Variants in ROBO1 observed in about 807,000 individuals in gnomAD.
The protein encoded by ROBO1 is roundabout guidance receptor 1.
A neutral mutation model predicts 195.9 loss-of-function variants in ROBO1; 149 were observed. The ratio of observed to expected loss-of-function variants is 0.76; its 90% CI spans 0.67 to 0.87. The LOEUF (loss-of-function observed/expected upper bound fraction) is 0.87. Ranked by LOEUF, ROBO1 falls within the 40% of genes least tolerant of loss-of-function variation. The probability of loss-of-function intolerance (pLI) is 0.00; values close to 1 mark genes in which losing one functional copy is unlikely to be tolerated. For missense variants in ROBO1, 1,933 were observed against 2,068.3 expected (o/e 0.93, Z 1.27); for synonymous variants, 816 against 733.2 (o/e 1.11, Z -1.82).
intron 8 of ROBO1, among the ~76,000 whole-genome samples, chr3:78,691,717 C>G (rs959770022): frequency 3.3e-5 from 5 of 152,152 alleles, no homozygotes; most frequent in Non-Finnish European, 7.4e-5. Context: ...TAACAGCATA[C>G]AAATGGCTTT....
chr3:79,116,325 TCTTTTCTTTTC>T (rs2079995820), intron 3 of ROBO1, among the ~76,000 whole-genome samples: 2 of 151,682 alleles, frequency 1.3e-5, no homozygotes, highest in South Asian at 2.1e-4. Flanking sequence ...CTTTTCTTTT[TCTTTTCTTTTC>T]CTTTCTTTCT....
intron 5 of ROBO1, among the ~76,000 whole-genome samples, chr3:78,737,818 T>C (rs2082427189): frequency 6.6e-6 from 1 of 152,170 alleles, no homozygotes; most frequent in South Asian, 2.1e-4. Context: ...TTTTGGAAAA[T>C]AAATAGAATA....
intron 3 of ROBO1, among the ~76,000 whole-genome samples, chr3:78,966,077 C>T (rs1379674244): frequency 2.0e-5 from 3 of 152,270 alleles, no homozygotes; most frequent in Middle Eastern, 3.4e-3. Context: ...TAGATGCTCA[C>T]GGCACAAACC....
intron 3 of ROBO1, 22 bp from the exon 4 acceptor site, chr3:78,938,949 A>G (rs1358189847): frequency 5.8e-6 from 9 of 1,564,238 alleles, no homozygotes; most frequent in Non-Finnish European, 7.0e-6. Flanking sequence ...TTCACAAAAT[A>G]TCTTCGTATA....
chr3:79,074,604 T>TATTATA (rs1362426282), intron 3 of ROBO1, among the ~76,000 whole-genome samples: 5 of 151,258 alleles, frequency 3.3e-5, no homozygotes, highest in Non-Finnish European at 7.4e-5. Flanking sequence ...TTATTATTAT[T>TATTATA]ATATTGAAGA....
intron 2 of ROBO1, among the ~76,000 whole-genome samples, chr3:79,209,860 T>A (rs1378359986): frequency 6.6e-6 from 1 of 152,106 alleles, no homozygotes; most frequent in African/African-American, 2.4e-5. Flanking sequence ...ACAAAATCAA[T>A]GCACACAAAT....
At chr3:79,718,870 T>C (rs1387319046) in intron 1 of ROBO1, among the ~76,000 whole-genome samples, 1 of 152,054 alleles carries the variant, frequency 6.6e-6, no homozygotes, top group Non-Finnish European at 1.5e-5. Context: ...AACATTTCTA[T>C]AAAATTAATT....
chr3:79,748,157 T>C (rs1264126296), intron 1 of ROBO1, among the ~76,000 whole-genome samples: 1 of 152,134 alleles, frequency 6.6e-6, no homozygotes, highest in Non-Finnish European at 1.5e-5. Flanking sequence ...AAATAACAAA[T>C]AGTAGAATAC....
intron 3 of ROBO1, among the ~76,000 whole-genome samples, chr3:79,022,552 G>A (rs1419545053): frequency 2.6e-5 from 4 of 152,220 alleles, no homozygotes; most frequent in Non-Finnish European, 5.9e-5. Flanking sequence ...GTGAGTGCCT[G>A]TGCAAGTGTG....
chr3:78,599,513 A>T (rs1703044591), intron 30 of ROBO1, among the ~76,000 whole-genome samples: 1 of 152,184 alleles, frequency 6.6e-6, no homozygotes, highest in East Asian at 1.9e-4. Context: ...TTATTAAAAA[A>T]TTTTCCTCAA....
chr3:78,743,734 G>A (rs971342744), intron 5 of ROBO1, among the ~76,000 whole-genome samples: 10 of 152,180 alleles, frequency 6.6e-5, no homozygotes, highest in Non-Finnish European at 1.5e-4. Context: ...CTCTCAGGGT[G>A]TCTTCCACGT....
rs189984585 is a variant in ROBO1, at chr3:79,214,024, C to A, written c.89-88485G>T. Among the ~76,000 whole-genome samples, 871 of 151,908 alleles carry A rather than the reference C, an allele frequency of 5.7e-3. 12 individuals carry two copies. The highest frequency in any genetic ancestry group is 0.02 in the African/African-American group (825 of 41,408). On this transcript the variant is annotated intron_variant, in intron 2 of 30. Coordinates refer to ENST00000464233, the MANE Select transcript of ROBO1 (RefSeq NM_002941.4). ...TATTTTTAGTAGAGACGGGATTTCA[C>A]CATGTTGGCCTGGCTGGTCTCGAAT...
In ROBO1 at chr3:78,717,289, C is replaced by T. The variant is rs1051680741; in HGVS notation, c.903G>A (p.Glu301=). 1.0e-5 allele frequency: 16 copies of T among 1,575,078 alleles called. No individual in the cohort carries two copies. Among genetic ancestry groups the T allele is most frequent in the Non-Finnish European group, 1.1e-5 (13 of 1,164,738 alleles). Residue 301 remains glutamate (E), a synonymous_variant, in exon 7 of 31, where the codon GAG becomes GAA. Coordinates refer to ENST00000464233, the MANE Select transcript of ROBO1 (RefSeq NM_002941.4). ...CTGATGTGTACCTGGATTTGGGCAGCTCTCCATCATCTTTCCTCCATCGTA... is the reference window on the plus strand; with the variant it reads ...CTGATGTGTACCTGGATTTGGGCAGTTCTCCATCATCTTTCCTCCATCGTA... The part of the protein sequence containing the change: ...PTVRWRKDDG[E]LPKSRYEIRD...
intron 2 of ROBO1, among the ~76,000 whole-genome samples, chr3:79,425,145 AT>A (rs1035004425): frequency 2.6e-5 from 4 of 151,880 alleles, no homozygotes; most frequent in Admixed American, 1.3e-4. Flanking sequence ...GCATATGACT[AT>A]TTTTTTTCTA....
At chr3:79,310,139 A>C (rs1375882683) in intron 2 of ROBO1, among the ~76,000 whole-genome samples, 1 of 152,246 alleles carries the variant, frequency 6.6e-6, no homozygotes, top group South Asian at 2.1e-4. Context: ...CCTAATTATA[A>C]CATGCCTCAT....
chr3:79,673,859 A>T (rs1419066916), intron 1 of ROBO1, among the ~76,000 whole-genome samples: 1 of 151,992 alleles, frequency 6.6e-6, no homozygotes, highest in East Asian at 1.9e-4. Context: ...TGGGCTTAAC[A>T]CCAGTGAGTG....
intron 3 of ROBO1, among the ~76,000 whole-genome samples, chr3:79,113,371 G>A (rs572111304): frequency 6.6e-6 from 1 of 151,736 alleles, no homozygotes; most frequent in South Asian, 2.1e-4. Flanking sequence ...TTGTCTTCCT[G>A]GCCCATTGAG....
intron 2 of ROBO1, among the ~76,000 whole-genome samples, chr3:79,348,151 C>T (rs1163981659): frequency 1.4e-5 from 2 of 146,426 alleles, no homozygotes; most frequent in East Asian, 4.1e-4. Flanking sequence ...GCAGAGTTTG[C>T]AGCGAGCCGA....
intron 1 of ROBO1, among the ~76,000 whole-genome samples, chr3:79,694,493 T>C (rs1361669808): frequency 6.6e-6 from 1 of 151,800 alleles, no homozygotes; most frequent in Non-Finnish European, 1.5e-5. Context: ...TCTTACATTC[T>C]GCTTTTTTCT....
Sources: allele counts gnomAD v4.1 joint callset (sites outside exome capture counted in the v4.1 genomes callset), GRCh38; gene constraint gnomAD v4.1.1; transcripts MANE v1.5; gene names NCBI Gene and HGNC (gene_info 2026-07-23, HGNC 2026-07-21).